Variants in ANKS1B observed in about 807,000 individuals in gnomAD.
The protein encoded by ANKS1B is ankyrin repeat and sterile alpha motif domain-containing protein 1B.
In ANKS1B, 36 loss-of-function variants were observed where a neutral mutation model predicts 148.3. The observed-to-expected ratio is 0.24, with a 90% CI of 0.19 to 0.32. ANKS1B has a LOEUF of 0.32. Ranked by LOEUF, ANKS1B falls within the 10% of genes least tolerant of loss-of-function variation. ANKS1B has a pLI of 1.00. For synonymous variants in ANKS1B, 542 were observed against 560.8 expected (o/e 0.97, Z 0.47); for missense variants, 1,157 against 1,542.6 (o/e 0.75, Z 4.19).
intron 10 of ANKS1B, among the ~76,000 whole-genome samples, chr12:99,453,458 G>A (rs898483695): frequency 1.7e-4 from 26 of 152,084 alleles, no homozygotes; most frequent in African/African-American, 5.3e-4. Context: ...AAAGGCCTAC[G>A]TGGCATGGTA....
intron 9 of ANKS1B, among the ~76,000 whole-genome samples, chr12:99,652,897 T>C (rs2098430417): frequency 6.6e-6 from 1 of 152,188 alleles, no homozygotes; most frequent in African/African-American, 2.4e-5. Context: ...AATTGAAATT[T>C]ATGTTAAAAG....
At position 99,685,407 on chromosome 12, in the gene ANKS1B, C is replaced by T. The variant is rs368391969; in HGVS notation, c.1129-30197G>A. Among the ~76,000 whole-genome samples the T allele has an allele frequency of 2.6e-5, 4 of 152,068 alleles. No individual in the cohort carries two copies. In the East Asian group the frequency reaches 5.8e-4, roughly 22 times the overall value. On this transcript the variant is annotated intron_variant, in intron 8 of 26. Coordinates refer to ENST00000683438, the MANE Select transcript of ANKS1B (RefSeq NM_001352186.2). Reference sequence around the variant, plus strand: ...TATCACCTTACTCCCAGAAGAATGGCCATAATTAAAAAATTAAAACATAAT... The same window carrying T: ...TATCACCTTACTCCCAGAAGAATGGTCATAATTAAAAAATTAAAACATAAT...
chr12:99,735,807 C>CAAAAAAAAAA (rs376398944), intron 8 of ANKS1B, among the ~76,000 whole-genome samples: 39 of 108,904 alleles, frequency 3.6e-4, no homozygotes, highest in Non-Finnish European at 4.7e-4. Context: ...GGACATATAC[C>CAAAAAAAAAA]AAAAAAAAAA....
chr12:99,212,294 A>G (rs1449341577), intron 14 of ANKS1B, among the ~76,000 whole-genome samples: 1 of 152,124 alleles, frequency 6.6e-6, no homozygotes, highest in Middle Eastern at 3.2e-3. Context: ...CTATTATTTC[A>G]AATTCCAACC....
rs2097650875 is a variant in ANKS1B, at chr12:99,587,167, T to G, written c.1272+67900A>C. On this transcript the variant is annotated intron_variant, in intron 9 of 26. Transcript: ENST00000683438. ...TTAGATCTTACTACTTTTTGTCTAATAAGAAGAAAGGTTCCTGCCACATAC... is the reference window on the plus strand; with the variant it reads ...TTAGATCTTACTACTTTTTGTCTAAGAAGAAGAAAGGTTCCTGCCACATAC... Among the ~76,000 whole-genome samples the G allele has an allele frequency of 3.3e-5, 5 of 152,162 alleles. No homozygotes were observed. In the South Asian group the frequency reaches 1.0e-3, roughly 31 times the overall value.
intron 12 of ANKS1B, among the ~76,000 whole-genome samples, chr12:99,248,388 T>C (rs1393025764): frequency 6.6e-6 from 1 of 152,108 alleles, no homozygotes; most frequent in African/African-American, 2.4e-5. Context: ...CATACCAGCA[T>C]CCTGAGATTG....
At chr12:99,171,897 G>A (rs1329982786) in intron 14 of ANKS1B, among the ~76,000 whole-genome samples, 2 of 152,100 alleles carry the variant, frequency 1.3e-5, no homozygotes, top group Non-Finnish European at 2.9e-5. Flanking sequence ...AAGGGAACAT[G>A]TCCCAGCCTC....
chr12:98,992,751 T>C (rs1013783595), intron 17 of ANKS1B, among the ~76,000 whole-genome samples: 2 of 152,224 alleles, frequency 1.3e-5, no homozygotes, highest in South Asian at 4.1e-4. Flanking sequence ...GCTTCACTCC[T>C]ACCCCAGTCC....
chr12:99,166,514 A>G (rs1255278121), intron 14 of ANKS1B, among the ~76,000 whole-genome samples: 1 of 152,012 alleles, frequency 6.6e-6, no homozygotes, highest in East Asian at 1.9e-4. Flanking sequence ...AAAAACCAAC[A>G]TAATTTACAA....
chr12:99,377,434 G>A (rs1055407472), intron 12 of ANKS1B, among the ~76,000 whole-genome samples: 3 of 152,116 alleles, frequency 2.0e-5, no homozygotes, highest in Non-Finnish European at 4.4e-5. Context: ...AAACATTGTA[G>A]ACAGTTTTAT....
intron 12 of ANKS1B, among the ~76,000 whole-genome samples, chr12:99,380,790 TTCC>T (rs1428306752): frequency 2.3e-4 from 30 of 129,956 alleles, no homozygotes; most frequent in Non-Finnish European, 1.7e-4. Flanking sequence ...CCTTCCTTCC[TTCC>T]TTCCTTCCTT....
At chr12:99,138,189 G>C (rs1005017975) in intron 15 of ANKS1B, among the ~76,000 whole-genome samples, 1 of 152,156 alleles carries the variant, frequency 6.6e-6, no homozygotes, top group Non-Finnish European at 1.5e-5. Flanking sequence ...TGATGAGAAG[G>C]TTGATGGGTT....
intron 9 of ANKS1B, among the ~76,000 whole-genome samples, chr12:99,528,334 A>T (rs1430017857): frequency 6.6e-6 from 1 of 151,932 alleles, no homozygotes; most frequent in African/African-American, 2.4e-5. Context: ...CCTGATGAAG[A>T]TGCCAAAAAC....
At chr12:99,764,638 G>A (rs2062473600) in intron 8 of ANKS1B, among the ~76,000 whole-genome samples, 1 of 152,110 alleles carries the variant, frequency 6.6e-6, no homozygotes, top group Non-Finnish European at 1.5e-5. Flanking sequence ...GGCCAGGCTG[G>A]TCTCTAACTC....
intron 17 of ANKS1B, among the ~76,000 whole-genome samples, chr12:99,007,028 A>T (rs994235359): frequency 2.7e-5 from 4 of 150,868 alleles, no homozygotes; most frequent in African/African-American, 9.8e-5. Context: ...CAGGTCCTAC[A>T]ATTAAAACCC....
intron 12 of ANKS1B, among the ~76,000 whole-genome samples, chr12:99,327,421 A>G (rs892044771): frequency 7.4e-6 from 1 of 134,438 alleles, no homozygotes; most frequent in Middle Eastern, 3.7e-3. Flanking sequence ...ATTATATATT[A>G]TATTGTCTAT....
chr12:99,682,440 TG>T (rs1201660501), intron 8 of ANKS1B, among the ~76,000 whole-genome samples: 1 of 152,018 alleles, frequency 6.6e-6, no homozygotes, highest in Non-Finnish European at 1.5e-5. Context: ...GCAATAAAAT[TG>T]GAACAAAAGG....
intron 17 of ANKS1B, among the ~76,000 whole-genome samples, chr12:98,925,080 T>C (rs923528247): frequency 1.3e-5 from 2 of 152,202 alleles, no homozygotes; most frequent in African/African-American, 4.8e-5. Context: ...ATATTTTCTT[T>C]GTTGAGAATA....
At position 98,753,096 on chromosome 12, in the gene ANKS1B, G is replaced by A. The variant is rs7959018; in HGVS notation, c.3580-1574C>T. On this transcript the variant is annotated intron_variant, in intron 25 of 26. Coordinates refer to ENST00000683438, the MANE Select transcript of ANKS1B (RefSeq NM_001352186.2). ...TTATCATGAAATCAGCAAGAGACAG[G>A]TGATTCTGTCAGGCTAGATGCCACG... is the stretch of plus-strand genomic sequence containing the variant. Among the ~76,000 whole-genome samples the A allele has an allele frequency of 9.9e-3, 1,511 of 152,284 alleles. 20 individuals carry two copies. The highest frequency in any genetic ancestry group is 0.035 in the African/African-American group (1,448 of 41,552).
Sources: gnomAD v4.1 joint callset for allele counts (sites outside exome capture counted in the v4.1 genomes callset) on GRCh38, gnomAD v4.1.1 for gene constraint, MANE v1.5 for transcripts, NCBI Gene and HGNC (gene_info 2026-07-23, HGNC 2026-07-21) for gene names.